Variants in ATP8B4 observed in about 807,000 individuals in gnomAD.
The protein encoded by ATP8B4 is probable phospholipid-transporting ATPase IM.
ATP8B4 carries 133 observed loss-of-function variants against 145.6 expected under a neutral mutation model. The observed-to-expected ratio is 0.91, with a 90% CI of 0.79 to 1.05. The LOEUF is 1.05. ATP8B4 is among the 50% of genes least tolerant of loss of function. The probability of loss-of-function intolerance (pLI) is 0.00; values close to 1 mark genes in which losing one functional copy is unlikely to be tolerated. For synonymous variants in ATP8B4, 507 were observed against 492.9 expected (o/e 1.03, Z -0.38); for missense variants, 1,458 against 1,425.2 (o/e 1.02, Z -0.37).
intron 2 of ATP8B4, among the ~76,000 whole-genome samples, chr15:50,087,006 G>T (rs1252412707): frequency 9.6e-6 from 1 of 103,860 alleles, no homozygotes; most frequent in Non-Finnish European, 1.7e-5. Flanking sequence ...AAATAATATA[G>T]AGATCTATAT....
intron 12 of ATP8B4, among the ~76,000 whole-genome samples, chr15:49,974,105 G>A (rs1353355420): frequency 3.1e-5 from 4 of 129,592 alleles, no homozygotes; most frequent in Admixed American, 8.2e-5. Context: ...TTTTTGAGAC[G>A]GAGTTCCGCT....
chr15:49,871,571 G>A (rs543794316), intron 25 of ATP8B4, among the ~76,000 whole-genome samples: 6 of 152,318 alleles, frequency 3.9e-5, no homozygotes, highest in African/African-American at 1.2e-4. Context: ...TCAAGGACAG[G>A]CCTGCTTTGG....
At chr15:50,178,469 A>G (rs1228316475) in intron 1 of ATP8B4, among the ~76,000 whole-genome samples, 1 of 152,230 alleles carries the variant, frequency 6.6e-6, no homozygotes, top group Non-Finnish European at 1.5e-5. Flanking sequence ...AGTTTTCTAC[A>G]TTCAAAAATA....
chr15:50,139,785 A>G (rs184622249), intron 1 of ATP8B4, among the ~76,000 whole-genome samples: 2 of 152,334 alleles, frequency 1.3e-5, no homozygotes, highest in East Asian at 3.9e-4. Context: ...TAGGGGAAGT[A>G]ACTTCATGAA....
At chr15:50,089,360 A>G (rs1191339753) in intron 2 of ATP8B4, among the ~76,000 whole-genome samples, 1 of 152,178 alleles carries the variant, frequency 6.6e-6, no homozygotes, top group Admixed American at 6.5e-5. Flanking sequence ...AATGGGAAAA[A>G]ATTTTTGCAA....
chr15:50,105,154 T>A (rs2056607171), intron 2 of ATP8B4, among the ~76,000 whole-genome samples: 1 of 151,082 alleles, frequency 6.6e-6, no homozygotes, highest in African/African-American at 2.4e-5. Flanking sequence ...GAACAGTGTA[T>A]ACTGCTCAGG....
At chr15:50,060,610 T>C (rs559962019) in intron 3 of ATP8B4, among the ~76,000 whole-genome samples, 1 of 152,318 alleles carries the variant, frequency 6.6e-6, no homozygotes, top group East Asian at 1.9e-4. Flanking sequence ...AGCATTGTGC[T>C]TGACAATTAA....
At chr15:49,941,708 A>C (rs961764649) in intron 14 of ATP8B4, among the ~76,000 whole-genome samples, 2 of 152,170 alleles carry the variant, frequency 1.3e-5, no homozygotes, top group Non-Finnish European at 1.5e-5. Flanking sequence ...CCAAAGGAAA[A>C]TAAGTCATCA....
chr15:49,922,454 C>CCAA (rs1302932057), intron 17 of ATP8B4: 17 of 426,776 alleles, frequency 4.0e-5, no homozygotes, highest in African/African-American at 3.5e-4. Context: ...AGACAAAAAA[C>CCAA]AATAGCTATG....
At chr15:50,017,309 G>GA (rs1336223275) in intron 6 of ATP8B4, among the ~76,000 whole-genome samples, 1 of 152,012 alleles carries the variant, frequency 6.6e-6, no homozygotes, top group Non-Finnish European at 1.5e-5. Flanking sequence ...ATGTCTATAG[G>GA]AAAAAATCAC....
intron 17 of ATP8B4, among the ~76,000 whole-genome samples, chr15:49,921,728 A>G (rs1312707829): frequency 6.6e-6 from 1 of 152,226 alleles, no homozygotes; most frequent in Non-Finnish European, 1.5e-5. Context: ...AGAAAAGTCA[A>G]TGCGTACTGC....
At chr15:50,153,386 T>A (rs1160090141) in intron 1 of ATP8B4, among the ~76,000 whole-genome samples, 1 of 150,360 alleles carries the variant, frequency 6.7e-6, no homozygotes, top group East Asian at 2.0e-4. Flanking sequence ...TCGCCCAGGC[T>A]GGAGTACAGT....
intron 1 of ATP8B4, among the ~76,000 whole-genome samples, chr15:50,163,555 C>G (rs966391610): frequency 1.3e-5 from 2 of 152,174 alleles, no homozygotes; most frequent in African/African-American, 2.4e-5. Flanking sequence ...TGGCCACCAC[C>G]ACAGAGACTG....
intron 1 of ATP8B4, among the ~76,000 whole-genome samples, chr15:50,153,291 CA>C (rs1228060622): frequency 6.7e-6 from 1 of 149,592 alleles, no homozygotes; most frequent in Non-Finnish European, 1.5e-5. Flanking sequence ...CAGAAGCTGA[CA>C]AAAAAGTTGA....
At chr15:50,168,429 G>A (rs754648958) in intron 1 of ATP8B4, among the ~76,000 whole-genome samples, 1 of 152,134 alleles carries the variant, frequency 6.6e-6, no homozygotes, top group Non-Finnish European at 1.5e-5. Context: ...GAAGCTGAAG[G>A]TCTGTTTGTG....
intron 5 of ATP8B4, among the ~76,000 whole-genome samples, chr15:50,043,781 G>A (rs916621287): frequency 1.2e-4 from 18 of 151,094 alleles, no homozygotes; most frequent in East Asian, 5.8e-4. Flanking sequence ...GTGAAACCCC[G>A]TCTCTACTAA....
intron 2 of ATP8B4, among the ~76,000 whole-genome samples, chr15:50,100,506 A>G (rs910333183): frequency 6.6e-6 from 1 of 152,234 alleles, no homozygotes; most frequent in African/African-American, 2.4e-5. Context: ...GGTTGGTGCT[A>G]CCTCACAAAT....
intron 11 of ATP8B4, among the ~76,000 whole-genome samples, chr15:49,980,424 A>G (rs1336232583): frequency 6.6e-6 from 1 of 152,198 alleles, no homozygotes. Flanking sequence ...CCCCTATATA[A>G]GCAGACAAAG....
At chr15:49,864,833 T>G (rs2032502998) in intron 26 of ATP8B4, among the ~76,000 whole-genome samples, 1 of 152,192 alleles carries the variant, frequency 6.6e-6, no homozygotes, top group South Asian at 2.1e-4. Flanking sequence ...TATGTATTAT[T>G]TCATTTAATC....
Sources: gnomAD v4.1 joint callset for allele counts (sites outside exome capture counted in the v4.1 genomes callset) on GRCh38, gnomAD v4.1.1 for gene constraint, MANE v1.5 for transcripts, NCBI Gene and HGNC (gene_info 2026-07-23, HGNC 2026-07-21) for gene names.